STK32A: variants seen among roughly 807,000 people sequenced by gnomAD.
STK32A encodes serine/threonine kinase 32A, also known as serine/threonine-protein kinase 32A.
A neutral mutation model predicts 53.2 loss-of-function variants in STK32A; 41 were observed. The observed-to-expected ratio is 0.77, with a 90% CI of 0.60 to 1.00. The LOEUF (loss-of-function observed/expected upper bound fraction) is 1.00. STK32A is among the 50% of genes least tolerant of loss of function. The probability of loss-of-function intolerance (pLI) is 0.00; values close to 1 mark genes in which losing one functional copy is unlikely to be tolerated. For synonymous variants in STK32A, 166 were observed against 162.8 expected (o/e 1.02, Z -0.15); for missense variants, 458 against 485.8 (o/e 0.94, Z 0.54).
intron 5 of STK32A, among the ~76,000 whole-genome samples, chr5:147,327,621 T>C (rs1754664867): frequency 6.6e-6 from 1 of 152,220 alleles, no homozygotes; most frequent in African/African-American, 2.4e-5. Flanking sequence ...GTTTCCTGGG[T>C]ACCAGGCTGC....
chr5:147,244,083 A>T (rs1753690579), intron 2 of STK32A, among the ~76,000 whole-genome samples: 1 of 152,116 alleles, frequency 6.6e-6, no homozygotes, highest in African/African-American at 2.4e-5. Flanking sequence ...ATTTGACTTT[A>T]TGTCTCTATG....
chr5:147,383,544 T>C (rs1223726743), intron 12 of STK32A, 39 bp downstream of exon 12: 1 of 1,482,376 alleles, frequency 6.7e-7, no homozygotes, highest in African/African-American at 1.4e-5. Flanking sequence ...CCAGAAATGG[T>C]GGCATGTTTC....
chr5:147,273,808 T>C (rs913367916), intron 2 of STK32A, among the ~76,000 whole-genome samples: 7 of 152,194 alleles, frequency 4.6e-5, no homozygotes, highest in African/African-American at 1.7e-4. Flanking sequence ...ACTTTCTGTT[T>C]TTAAAATCTA....
At chr5:147,363,141 C>T (rs1756587206) in intron 8 of STK32A, among the ~76,000 whole-genome samples, 1 of 151,962 alleles carries the variant, frequency 6.6e-6, no homozygotes, top group African/African-American at 2.4e-5. Flanking sequence ...TATGTGCTTC[C>T]AAAATACAAT....
intron 7 of STK32A, among the ~76,000 whole-genome samples, chr5:147,356,150 A>C (rs1419723619): frequency 6.6e-6 from 1 of 152,156 alleles, no homozygotes; most frequent in Non-Finnish European, 1.5e-5. Context: ...ATGTGTTCAT[A>C]ATCACACAGC....
intron 2 of STK32A, among the ~76,000 whole-genome samples, chr5:147,259,757 TTC>T (rs1232173195): frequency 3.9e-5 from 6 of 151,974 alleles, no homozygotes; most frequent in Non-Finnish European, 7.4e-5. Context: ...CTGCCTCTCT[TTC>T]TCTCTCTCTG....
intron 4 of STK32A, among the ~76,000 whole-genome samples, chr5:147,291,093 G>A (rs768933940): frequency 1.1e-4 from 17 of 152,144 alleles, no homozygotes; most frequent in Non-Finnish European, 2.1e-4. Context: ...GGCTGTGACT[G>A]ACATCCCATA....
chr5:147,365,645 C>A lies in STK32A; in HGVS notation c.660+4031C>A, dbSNP rs566308532. ...TCACCCTTAATTTTTTTCTCCCCAGCCAATTTACTCACCTTCTGTGGCTGT... is the reference window on the plus strand; with the variant it reads ...TCACCCTTAATTTTTTTCTCCCCAGACAATTTACTCACCTTCTGTGGCTGT... On this transcript the variant is annotated intron_variant, in intron 8 of 12. Transcript: ENST00000397936. 2.3e-4 allele frequency among the ~76,000 whole-genome samples: 35 copies of A among 152,196 alleles called. No individual in the cohort carries two copies. The South Asian group carries it at 7.3e-3, about 32-fold the overall frequency.
At chr5:147,393,914 G>A in the STK32A span, 3 of 966,750 alleles carry the variant, frequency 3.1e-6, no homozygotes, top group African/African-American at 1.6e-5. Flanking sequence ...AAGGCTTGAG[G>A]CTTATTGATT....
At chr5:147,373,435 G>A in intron 10 of STK32A, 141 bp downstream of exon 10, 2 of 1,198,292 alleles carry the variant, frequency 1.7e-6, no homozygotes, top group Non-Finnish European at 2.3e-6. Context: ...TGAGAGAATT[G>A]AGACATGCAC....
intron 11 of STK32A, chr5:147,375,462 T>C: frequency 2.8e-6 from 1 of 358,270 alleles, no homozygotes; most frequent in African/African-American, 2.1e-5. Flanking sequence ...GTTATTTCTC[T>C]CTTCCAGTTC....
chr5:147,310,352 T>C (rs1252977239), intron 4 of STK32A, among the ~76,000 whole-genome samples: 1 of 152,212 alleles, frequency 6.6e-6, no homozygotes, highest in African/African-American at 2.4e-5. Context: ...CATCCCCCTC[T>C]GACCTGCAAT....
chr5:147,348,619 A>G (rs1755804572), intron 6 of STK32A: 6 of 731,116 alleles, frequency 8.2e-6, no homozygotes, highest in African/African-American at 1.7e-5. Context: ...TTGGAAATCT[A>G]TGCAGACTAA....
At chr5:147,355,728 C>A (rs936122891) in intron 7 of STK32A, among the ~76,000 whole-genome samples, 71 of 151,302 alleles carry the variant, frequency 4.7e-4, no homozygotes, top group African/African-American at 1.7e-3. Flanking sequence ...ATAAAACATT[C>A]TCCTCCAAAT....
At position 147,289,044 on chromosome 5, in the gene STK32A, A is replaced by C. The variant is rs1333416821; in HGVS notation, c.260+9646A>C. 1.3e-5 allele frequency among the ~76,000 whole-genome samples: 2 copies of C among 152,180 alleles called. 1 individual carries two copies. The highest frequency in any genetic ancestry group is 1.3e-4 in the Admixed American group (2 of 15,268). On this transcript the variant is annotated intron_variant, in intron 4 of 12. Coordinates refer to ENST00000397936, the MANE Select transcript of STK32A (RefSeq NM_001112724.2). Reference sequence around the variant, plus strand: ...GCCCATCTCCTATGGTTCATTGTGGACATCCAAAGGACAAATCTAAATGGT... The same window carrying C: ...GCCCATCTCCTATGGTTCATTGTGGCCATCCAAAGGACAAATCTAAATGGT...
chr5:147,293,558 GT>G (rs1446698625), intron 4 of STK32A, among the ~76,000 whole-genome samples: 1 of 147,984 alleles, frequency 6.8e-6, no homozygotes, highest in Non-Finnish European at 1.5e-5. Context: ...AATATCAAAG[GT>G]TTAAAAAACT....
At position 147,331,628 on chromosome 5, in the gene STK32A, T is replaced by C. The variant is rs1581103605; in HGVS notation, c.434+7557T>C. ...TCCTAACCTCCAGTGCCTCAGACTG[T>C]CATCTTTTTTGGAAAGAGGGTTTTT... On this transcript the variant is annotated intron_variant, in intron 5 of 12. Transcript: ENST00000397936. 2.0e-5 allele frequency among the ~76,000 whole-genome samples: 3 copies of C among 152,350 alleles called. No individual in the cohort carries two copies. In the East Asian group the frequency reaches 5.8e-4, roughly 29 times the overall value.
intron 2 of STK32A, among the ~76,000 whole-genome samples, chr5:147,243,535 G>A (rs1414403027): frequency 4.5e-5 from 6 of 134,664 alleles, no homozygotes; most frequent in East Asian, 4.1e-4. Flanking sequence ...TCAAGAGATC[G>A]AAACCATCCT....
At chr5:147,393,949 C>T in the STK32A span, 130 of 1,364,706 alleles carry the variant, frequency 9.5e-5, no homozygotes, top group Middle Eastern at 7.3e-4. Flanking sequence ...CGTTTGGATT[C>T]GCTTTCCTTC....
Sources: allele counts gnomAD v4.1 joint callset (sites outside exome capture counted in the v4.1 genomes callset), GRCh38; gene constraint gnomAD v4.1.1; transcripts MANE v1.5; gene names NCBI Gene and HGNC (gene_info 2026-07-23, HGNC 2026-07-21).